The following FUT8 variants were observed in gnomAD, a reference collection of about 807,000 sequenced individuals.
FUT8 encodes fucosyltransferase 8, also known as alpha-(1,6)-fucosyltransferase.
FUT8 carries 29 observed loss-of-function variants against 71.3 expected under a neutral mutation model. The ratio of observed to expected loss-of-function variants is 0.41; its 90% CI spans 0.30 to 0.55. The LOEUF is 0.55. Ranked by LOEUF, FUT8 falls within the 20% of genes least tolerant of loss-of-function variation. The pLI is 0.34. For synonymous variants in FUT8, 254 were observed against 239.3 expected, an observed-to-expected ratio of 1.06 and a Z score of -0.57; for missense variants, 544 against 702.1, an observed-to-expected ratio of 0.77 and a Z score of 2.55.
the FUT8 span, among the ~76,000 whole-genome samples, chr14:65,387,664 T>C: frequency 6.6e-6 from 1 of 152,182 alleles, no homozygotes; most frequent in Non-Finnish European, 1.5e-5. Context: ...CCAGGCTTTG[T>C]TGGGGTTTCT....
chr14:65,720,958 A>G (rs544621179), intron 7 of FUT8, among the ~76,000 whole-genome samples: 1 of 152,128 alleles, frequency 6.6e-6, no homozygotes, highest in African/African-American at 2.4e-5. Flanking sequence ...TCCCACAATC[A>G]CTGTGCTCCC....
the FUT8 span, among the ~76,000 whole-genome samples, chr14:65,388,504 G>A: frequency 6.6e-6 from 1 of 152,198 alleles, no homozygotes; most frequent in East Asian, 1.9e-4. Flanking sequence ...GCTCACGCCT[G>A]TAATCCTAGC....
Position 65,671,699 on chromosome 14 carries a change from A to T in FUT8, c.835+2219A>T, listed in dbSNP as rs573183683. Among the ~76,000 whole-genome samples the T allele has an allele frequency of 5.3e-5, 8 of 152,308 alleles. 1 individual carries two copies. The South Asian group carries it at 1.5e-3, about 28-fold the overall frequency. On this transcript the variant is annotated intron_variant, in intron 7 of 10. Coordinates refer to ENST00000673929, the MANE Select transcript of FUT8 (RefSeq NM_001371533.1). Reference sequence around the variant, plus strand: ...TTAATAATTTAGATACCAATCTTTTATCTGAAAAGAGATTTCTTTTAAGCT... The same window carrying T: ...TTAATAATTTAGATACCAATCTTTTTTCTGAAAAGAGATTTCTTTTAAGCT...
intron 2 of FUT8, among the ~76,000 whole-genome samples, chr14:65,480,299 ATTTTTTTTT>A (rs5809276): frequency 1.3e-4 from 13 of 96,956 alleles, no homozygotes; most frequent in Admixed American, 3.6e-4. Flanking sequence ...ATGAACTGTG[ATTTTTTTTT>A]TTTTTTTTTT....
chr14:65,742,374 G>T lies in FUT8; in HGVS notation c.1692G>T (p.Thr564=), dbSNP rs144534344. The T allele has an allele frequency of 1.9e-6, 3 of 1,612,498 alleles. No individual in the cohort carries two copies. Among genetic ancestry groups the T allele is most frequent in the Admixed American group, 1.7e-5 (1 of 59,810 alleles). ...PSYKVREKIE[T]VKYPTYPEAE... ...ACAAAGTTCGAGAGAAGATAGAAAC[G>T]GTCAAGTACCCCACATATCCTGAGG... Residue 564 remains threonine (T), a synonymous_variant, in exon 11 of 11, where the codon ACG becomes ACT. Coordinates refer to ENST00000673929, the MANE Select transcript of FUT8 (RefSeq NM_001371533.1).
intron 7 of FUT8, among the ~76,000 whole-genome samples, chr14:65,704,396 G>A (rs1342712811): frequency 6.6e-6 from 1 of 151,996 alleles, no homozygotes; most frequent in Non-Finnish European, 1.5e-5. Flanking sequence ...TAGCTCTTGG[G>A]TAAATTTGAT....
chr14:65,440,170 A>G (rs2065632381), intron 1 of FUT8, among the ~76,000 whole-genome samples: 1 of 151,734 alleles, frequency 6.6e-6, no homozygotes, highest in Non-Finnish European at 1.5e-5. Flanking sequence ...TCATAGAAGC[A>G]GAGAATATAA....
At chr14:65,457,428 G>A (rs1188104588) in intron 2 of FUT8, among the ~76,000 whole-genome samples, 1 of 152,160 alleles carries the variant, frequency 6.6e-6, no homozygotes, top group Non-Finnish European at 1.5e-5. Context: ...AACTTGTGGT[G>A]TTCCCTGATT....
the FUT8 span, among the ~76,000 whole-genome samples, chr14:65,368,115 G>A: frequency 2.1e-5 from 3 of 140,988 alleles, no homozygotes; most frequent in African/African-American, 8.2e-5. Context: ...GTGCAGTGGT[G>A]CGATCTCGGC....
rs544064970 is a variant in FUT8 at position 65,643,651 on chromosome 14, C to T, written c.597+14045C>T. On this transcript the variant is annotated intron_variant, in intron 6 of 10. Transcript: ENST00000673929. This position sits in a 1 kb window ranked among gnomAD's most constrained non-coding sequence, Gnocchi z 4.5. ...CCTGGGCGACAGAGCGAGACTCCGT[C>T]TTTAAAAAAAAAATACACACACACA... is the stretch of plus-strand genomic sequence containing the variant. 7.9e-5 allele frequency among the ~76,000 whole-genome samples: 9 copies of T among 113,956 alleles called. No homozygotes were observed. In the Admixed American group the frequency reaches 8.2e-4, roughly 10 times the overall value. 74.8% of individuals were successfully genotyped at this position (113,956 alleles called of 152,430 possible).
chr14:65,487,576 A>C (rs962636848), intron 2 of FUT8, among the ~76,000 whole-genome samples: 33 of 151,890 alleles, frequency 2.2e-4, no homozygotes, highest in African/African-American at 7.3e-4. Flanking sequence ...AAAAAAAAAA[A>C]AAAAAAAAAC....
chr14:65,593,557 C>T (rs774781502), intron 3 of FUT8, among the ~76,000 whole-genome samples: 7 of 150,670 alleles, frequency 4.6e-5, no homozygotes, highest in Non-Finnish European at 8.9e-5. Flanking sequence ...CTCTAAGGTG[C>T]GCTCTTCTTT....
At chr14:65,614,102 A>G (rs1889153621) in intron 3 of FUT8, among the ~76,000 whole-genome samples, 2 of 123,258 alleles carry the variant, frequency 1.6e-5, no homozygotes, top group Non-Finnish European at 3.5e-5. Flanking sequence ...TGACAAATCG[A>G]GACTGTGTCA....
chr14:65,736,390 G>T (rs1268727890), intron 10 of FUT8, among the ~76,000 whole-genome samples: 1 of 151,418 alleles, frequency 6.6e-6, no homozygotes, highest in East Asian at 2.0e-4. Flanking sequence ...TTTAGAAGGA[G>T]CATGAAACGA....
chr14:65,701,836 C>T (rs545133961), intron 7 of FUT8, among the ~76,000 whole-genome samples: 190 of 152,250 alleles, frequency 1.2e-3, no homozygotes, highest in African/African-American at 3.9e-3. Context: ...AGAGCCCCTC[C>T]TTTTATCATG....
upstream of FUT8, chr14:65,411,746 A>G (rs768625677): frequency 2.1e-4 from 64 of 306,606 alleles, no homozygotes; most frequent in African/African-American, 3.2e-4. Context: ...CTGGGTCCCA[A>G]GGCTACAGGG....
intron 3 of FUT8, among the ~76,000 whole-genome samples, chr14:65,569,426 T>C (rs1886363383): frequency 6.6e-6 from 1 of 151,786 alleles, no homozygotes; most frequent in Admixed American, 6.6e-5. Context: ...GCACTTTATT[T>C]TGTATTATTT....
chr14:65,742,029 C>CT lies in FUT8; in HGVS notation c.1411-60dup, dbSNP rs368042631. 2.1e-4 allele frequency: 300 copies of CT among 1,411,164 alleles called. 3 individuals carry two copies. The South Asian group carries it at 3.8e-3, about 18-fold the overall frequency. The allele number at this position is 1,411,164 out of a possible 1,614,324, so 87.4% of individuals were successfully genotyped here. Reference sequence around the variant, plus strand: ...TAGAGCCCATCCTTTTGGCCAAGGGCTTTTAGATTGCTGTGAAGGAGAGTG... The same window carrying CT: ...TAGAGCCCATCCTTTTGGCCAAGGGCTTTTTAGATTGCTGTGAAGGAGAGTG... On this transcript the variant is annotated intron_variant, in intron 10 of 10. Coordinates refer to ENST00000673929, the MANE Select transcript of FUT8 (RefSeq NM_001371533.1).
chr14:65,429,333 G>A (rs1334565155), intron 1 of FUT8, among the ~76,000 whole-genome samples: 2 of 152,130 alleles, frequency 1.3e-5, no homozygotes, highest in Non-Finnish European at 2.9e-5. Flanking sequence ...GCATATGAGT[G>A]ATAACCCACA....
Sources: allele counts gnomAD v4.1 joint callset (sites outside exome capture counted in the v4.1 genomes callset), GRCh38; gene constraint gnomAD v4.1.1; non-coding constraint Gnocchi (gnomAD v3.1); transcripts MANE v1.5; gene names NCBI Gene and HGNC (gene_info 2026-07-23, HGNC 2026-07-21).